KIF20A: variants seen among roughly 807,000 people sequenced by gnomAD.
The protein encoded by KIF20A is kinesin-like protein KIF20A.
KIF20A carries 66 observed loss-of-function variants against 113.0 expected under a neutral mutation model. The ratio of observed to expected loss-of-function variants is 0.58; its 90% confidence interval spans 0.48 to 0.72. KIF20A has a LOEUF of 0.72. Among genes scored for constraint, KIF20A ranks in the 30% least tolerant of loss-of-function variants. KIF20A has a pLI of 0.00. For synonymous variants in KIF20A, 376 were observed against 402.3 expected (o/e 0.93, Z 0.78); for missense variants, 927 against 1,077.6 (o/e 0.86, Z 1.96).
In KIF20A at chr5:138,182,957, A is replaced by G. The variant is rs1186969312; in HGVS notation, c.799A>G (p.Ile267Val). ...FDSGIAGLSS[I>V]SQCTSSSQLD... ...CAGTGGCATTGCTGGGCTCTCTTCT[A>G]TCAGTCAGTGTACCAGCAGTAGCCA... The change falls in exon 7 of 19, where the codon ATC becomes GTC. Residue 267 changes from isoleucine to valine, a missense_variant. Transcript: ENST00000394894. The G allele has an allele frequency of 2.0e-5, 32 of 1,614,200 alleles. No homozygotes were observed. The highest frequency in any genetic ancestry group is 2.6e-5 in the Non-Finnish European group (31 of 1,180,028).
Position 138,182,694 on chromosome 5 carries a change from A to T in KIF20A, c.623A>T (p.Glu208Val). The T allele has an allele frequency of 6.2e-7, 1 of 1,614,092 alleles. No homozygotes were observed. The highest frequency in any genetic ancestry group is 1.3e-5 in the African/African-American group (1 of 75,016). Residue 208 changes from glutamate to valine, a missense_variant, in exon 6 of 19, where the codon GAG becomes GTG. By Grantham distance (121) the Glu-to-Val change is moderately radical. Coordinates refer to ENST00000394894, the MANE Select transcript of KIF20A (RefSeq NM_005733.3). ...GATCTGAAGCCCTTGCTCTCCAATG[A>T]GGTAATCTGGCTAGACAGCAAGCAG... ...TPDLKPLLSN[E>V]VIWLDSKQIR...
At chr5:138,179,235 C>G in intron 1 of KIF20A, 33 bp downstream of exon 1, 1 of 190,998 alleles carries the variant, frequency 5.2e-6, no homozygotes, top group Admixed American at 5.5e-5. Context: ...GCCCGGGTTA[C>G]CAGCTCTTGC....
At position 138,184,650 on chromosome 5, in the gene KIF20A, G is replaced by A; in HGVS notation, c.1657G>A (p.Ala553Thr). ...TGLDDDIENE[A>T]DISMYGKEEL... Reference sequence around the variant, plus strand: ...CCTTGATGATGATATTGAAAATGAAGCTGACATCTCCATGTATGGCAAAGA... The same window carrying A: ...CCTTGATGATGATATTGAAAATGAAACTGACATCTCCATGTATGGCAAAGA... The change falls in exon 13 of 19, where the codon GCT becomes ACT. Residue 553 changes from alanine (A) to threonine (T), a missense_variant. Transcript: ENST00000394894. The A allele has an allele frequency of 6.2e-7, 1 of 1,614,168 alleles. No homozygotes were observed. The highest frequency in any genetic ancestry group is 8.5e-7 in the Non-Finnish European group (1 of 1,180,008).
chr5:138,185,182 C>T lies in KIF20A; in HGVS notation c.1911C>T (p.Tyr637=). Residue 637 remains tyrosine, a synonymous_variant, in exon 15 of 19, where the codon TAC becomes TAT. Coordinates refer to ENST00000394894, the MANE Select transcript of KIF20A (RefSeq NM_005733.3). ...TCAAGGAGTCACTGACAAGTTTTTA[C>T]CAAGAAGAGATTCAGGTGAGTTGCC... is the stretch of plus-strand genomic sequence containing the variant. ...NILKESLTSF[Y]QEEIQERDEK... is the part of the protein sequence containing the mutation. 3.7e-6 allele frequency: 6 copies of T among 1,612,284 alleles called. No individual in the cohort carries two copies. Among genetic ancestry groups the T allele is most frequent in the Non-Finnish European group, 5.1e-6 (6 of 1,178,538 alleles).
rs568537476 is a variant in KIF20A, at chr5:138,186,547, G to C, written c.2355+116G>C. On this transcript the variant is annotated intron_variant, in intron 18 of 18. Coordinates refer to ENST00000394894, the MANE Select transcript of KIF20A (RefSeq NM_005733.3). ...GATTTTTAGGCTGAATTTATAGTGAGAGCAGTATATTTGCAAAATAAAAAT... is the reference window on the plus strand; with the variant it reads ...GATTTTTAGGCTGAATTTATAGTGACAGCAGTATATTTGCAAAATAAAAAT... The C allele has an allele frequency of 3.6e-6, 4 of 1,125,310 alleles. No individual in the cohort carries two copies. In the Admixed American group the frequency reaches 1.2e-4, roughly 35 times the overall value. The allele number at this position is 1,125,310 out of a possible 1,614,324, so 69.7% of individuals were successfully genotyped here.
In KIF20A at chr5:138,187,700, C is replaced by T. The variant is rs1754770312; in HGVS notation, c.*287C>T. ...TCCAAATGTAGCAAAATCATTAAAA[C>T]AAATTATAAAAGGGACAGAAAAATT... On this transcript the variant is annotated 3_prime_UTR_variant, in exon 19 of 19. Coordinates refer to ENST00000394894, the MANE Select transcript of KIF20A (RefSeq NM_005733.3). 3.5e-6 allele frequency: 1 copy of T among 281,858 alleles called. No homozygotes were observed. Among genetic ancestry groups the T allele is most frequent in the African/African-American group, 2.2e-5 (1 of 45,070 alleles). 17.5% of individuals were successfully genotyped at this position (281,858 alleles called of 1,614,324 possible).
rs142495138 is a variant in KIF20A at position 138,184,336 on chromosome 5, G to A, written c.1450G>A (p.Val484Met). 3.2e-5 allele frequency: 51 copies of A among 1,614,076 alleles called. No homozygotes were observed. The African/African-American group carries it at 5.3e-4, about 17-fold the overall frequency. Residue 484 changes from valine (V) to methionine (M), a missense_variant, in exon 12 of 19, where the codon GTG becomes ATG. Physicochemically the swap from Val to Met is conservative, Grantham distance 21. Transcript: ENST00000394894. ...AGGCCGTTCCTGCATGATTGTCAATGTGAATCCCTGTGCATCTACCTATGA... is the reference window on the plus strand; with the variant it reads ...AGGCCGTTCCTGCATGATTGTCAATATGAATCCCTGTGCATCTACCTATGA... ...GRGRSCMIVN[V>M]NPCASTYDET...
Position 138,183,396 on chromosome 5 carries a change from C to T in KIF20A, c.1027+33C>T. On this transcript the variant is annotated intron_variant, in intron 8 of 18. Transcript: ENST00000394894. This position sits in a 1 kb window ranked among gnomAD's most constrained non-coding sequence, Gnocchi z 5.2. ...AACATGGGGAAAGCTGGCATGAACC[C>T]TGGAGGGCAACTGGGGAGAGACTGG... 6.2e-7 allele frequency: 1 copy of T among 1,613,348 alleles called. No homozygotes were observed. Among genetic ancestry groups the T allele is most frequent in the Non-Finnish European group, 8.5e-7 (1 of 1,179,352 alleles).
chr5:138,183,664 CTT>C lies in KIF20A; in HGVS notation c.1140-20_1140-19del. On this transcript the variant is annotated intron_variant, in intron 9 of 18. Transcript: ENST00000394894. This position sits in a 1 kb window ranked among gnomAD's most constrained non-coding sequence, Gnocchi z 5.2. ...CCTGGTCATGGAAAATGTGCAATGA[CTT>C]TTTGTTTTTCTTAACTTCCAGTCAC... 6.2e-7 allele frequency: 1 copy of C among 1,612,496 alleles called. No individual in the cohort carries two copies. Among genetic ancestry groups the C allele is most frequent in the Non-Finnish European group, 8.5e-7 (1 of 1,178,682 alleles).
chr5:138,184,484 T>A, intron 12 of KIF20A, 28 bp from the exon 13 acceptor site: 1 of 1,610,098 alleles, frequency 6.2e-7, no homozygotes, highest in South Asian at 1.1e-5. Context: ...ACTTATGGAG[T>A]CAAGTAAGAT....
Position 138,183,630 on chromosome 5 carries a change from A to G in KIF20A, c.1139+49A>G. 6.2e-7 allele frequency: 1 copy of G among 1,605,912 alleles called. No individual in the cohort carries two copies. Among genetic ancestry groups the G allele is most frequent in the Non-Finnish European group, 8.5e-7 (1 of 1,172,692 alleles). ...TCTTCACTGTGTTCCAGGAAACATT[A>G]GTCCTCTGCCTGGTCATGGAAAATG... On this transcript the variant is annotated intron_variant, in intron 9 of 18. Transcript: ENST00000394894. This position sits in a 1 kb window ranked among gnomAD's most constrained non-coding sequence, Gnocchi z 5.2.
In KIF20A at chr5:138,185,589, A is replaced by G. The variant is rs1754731080; in HGVS notation, c.2004A>G (p.Ser668=). The G allele has an allele frequency of 6.2e-7, 1 of 1,614,198 alleles. No individual in the cohort carries two copies. The highest frequency in any genetic ancestry group is 8.5e-7 in the Non-Finnish European group (1 of 1,180,030). Residue 668 remains serine (S), a synonymous_variant, in exon 16 of 19, where the codon TCA becomes TCG. Coordinates refer to ENST00000394894, the MANE Select transcript of KIF20A (RefSeq NM_005733.3). ...AACAGTCAGTGGCCCATCAGCAATC[A>G]GGGTCTGAATTGGCCCTACGGCGGT... is the stretch of plus-strand genomic sequence containing the variant. The part of the protein sequence containing the change: ...ARQQSVAHQQ[S]GSELALRRSQ...
chr5:138,184,555 A>G lies in KIF20A; in HGVS notation c.1562A>G (p.His521Arg), dbSNP rs148375900. The stretch of plus-strand genomic sequence containing the variant: ...ATGCAACTGGGATTCCCATCCCTGC[A>G]CTCGTTCATCAAGGAACATAGTCTT... ...PPMQLGFPSLHSFIKEHSLQV... is the reference protein window; with the variant it reads ...PPMQLGFPSLRSFIKEHSLQV... Residue 521 changes from histidine to arginine, a missense_variant, in exon 13 of 19, where the codon CAC becomes CGC. Coordinates refer to ENST00000394894, the MANE Select transcript of KIF20A (RefSeq NM_005733.3). 6.9e-5 allele frequency: 111 copies of G among 1,613,886 alleles called. No individual in the cohort carries two copies. Among genetic ancestry groups the G allele is most frequent in the Middle Eastern group, 1.6e-4 (1 of 6,084 alleles).
chr5:138,183,204 C>T lies in KIF20A; in HGVS notation c.868C>T (p.Pro290Ser). 1 of 1,614,216 alleles carries T rather than the reference C, an allele frequency of 6.2e-7. No individual in the cohort carries two copies. The highest frequency in any genetic ancestry group is 8.5e-7 in the Non-Finnish European group (1 of 1,180,024). Reference protein sequence around the residue: ...SHRWAQPDTAPLPVPANIRFS... With the variant: ...SHRWAQPDTASLPVPANIRFS... ...TCGATGGGCACAGCCAGACACTGCC[C>T]CACTACCTGTCCCGGCAAACATTCG... Residue 290 changes from proline to serine, a missense_variant, in exon 8 of 19, where the codon CCA (proline) becomes TCA (serine). By Grantham distance (74) the Pro-to-Ser change is moderately conservative. Coordinates refer to ENST00000394894, the MANE Select transcript of KIF20A (RefSeq NM_005733.3). The surrounding 1 kb of genome is among the most constrained non-coding windows in gnomAD (Gnocchi z 5.2).
At position 138,185,694 on chromosome 5, in the gene KIF20A, A is replaced by G. The variant is rs1389381170; in HGVS notation, c.2109A>G (p.Leu703=). The part of the protein sequence containing the change: ...KAKLQQCKAE[L]NSTTEELHKY... ...AATTACAGCAGTGCAAAGCAGAGCTAAACTCTACCACTGAAGGTGAGGAAA... is the reference window on the plus strand; with the variant it reads ...AATTACAGCAGTGCAAAGCAGAGCTGAACTCTACCACTGAAGGTGAGGAAA... Residue 703 remains leucine (L), a synonymous_variant, in exon 16 of 19, where the codon CTA becomes CTG. Coordinates refer to ENST00000394894, the MANE Select transcript of KIF20A (RefSeq NM_005733.3). The G allele has an allele frequency of 6.2e-7, 1 of 1,614,044 alleles. No homozygotes were observed. The highest frequency in any genetic ancestry group is 1.3e-5 in the African/African-American group (1 of 74,936).
At position 138,183,307 on chromosome 5, in the gene KIF20A, G is replaced by A. The variant is rs368663116; in HGVS notation, c.971G>A (p.Arg324His). 33 of 1,614,082 alleles carry A rather than the reference G, an allele frequency of 2.0e-5. No individual in the cohort carries two copies. In the African/African-American group the frequency reaches 2.3e-4, roughly 11 times the overall value. The change falls in exon 8 of 19, where the codon CGC becomes CAC. Residue 324 changes from arginine to histidine, a missense_variant. Transcript: ENST00000394894. The surrounding 1 kb of genome is among the most constrained non-coding windows in gnomAD (Gnocchi z 5.2). ...CTATTAGAACCGCCTAGCCAACAGC[G>A]CAAGAGGCAGACTTTGCGGCTATGC... ...YDLLEPPSQQRKRQTLRLCED... is the reference protein window; with the variant it reads ...YDLLEPPSQQHKRQTLRLCED...
intron 2 of KIF20A, among the ~76,000 whole-genome samples, chr5:138,180,917 T>A (rs1401541989): frequency 6.6e-6 from 1 of 152,218 alleles, no homozygotes; most frequent in African/African-American, 2.4e-5. Context: ...CCTCAGGTGA[T>A]CCACCCTCTT....
chr5:138,184,760 T>C lies in KIF20A; in HGVS notation c.1684-47T>C, dbSNP rs750345744. On this transcript the variant is annotated intron_variant, in intron 13 of 18. Transcript: ENST00000394894. ...GCCTTCCAGGTGGGCTTGTGCCTTC[T>C]GAGGGCATGAGCATCTGATGACCTC... The C allele has an allele frequency of 2.5e-6, 4 of 1,611,750 alleles. No homozygotes were observed. In the Admixed American group the frequency reaches 6.7e-5, roughly 27 times the overall value.
At position 138,179,710 on chromosome 5, in the gene KIF20A, G is replaced by A. The variant is rs772214319; in HGVS notation, c.30G>A (p.Ala10=). Reference sequence around the variant, plus strand: ...CGCAAGGGATCCTTTCTCCGCCAGCGGGCTTGCTGTCCGATGACGATGTCG... The same window carrying A: ...CGCAAGGGATCCTTTCTCCGCCAGCAGGCTTGCTGTCCGATGACGATGTCG... MSQGILSPP[A]GLLSDDDVVV... The change falls in exon 2 of 19, where the codon GCG becomes GCA. Residue 10 remains alanine (A), a synonymous_variant. Transcript: ENST00000394894. 28 of 1,613,950 alleles carry A rather than the reference G, an allele frequency of 1.7e-5. No individual in the cohort carries two copies. The highest frequency in any genetic ancestry group is 3.3e-5 in the South Asian group (3 of 91,084).
Sources: allele counts gnomAD v4.1 joint callset (sites outside exome capture counted in the v4.1 genomes callset), GRCh38; gene constraint gnomAD v4.1.1; non-coding constraint Gnocchi (gnomAD v3.1); transcripts MANE v1.5; gene names NCBI Gene and HGNC (gene_info 2026-07-23, HGNC 2026-07-21).